The following CPZ variants were observed in gnomAD, a reference collection of about 807,000 sequenced individuals.
CPZ encodes carboxypeptidase Z.
CPZ carries 103 observed loss-of-function variants against 61.8 expected under a neutral mutation model. That is an observed-to-expected ratio of 1.67 (90% CI 1.42 to 1.96). The LOEUF (loss-of-function observed/expected upper bound fraction) is 1.96. Among genes scored for constraint, CPZ ranks in the 30% most tolerant of loss-of-function variants. The pLI is 0.00. For synonymous variants in CPZ, 551 were observed against 373.7 expected, an observed-to-expected ratio of 1.47 and a Z score of -5.47; for missense variants, 1,461 against 914.9, an observed-to-expected ratio of 1.60 and a Z score of -7.70.
chr4:8,593,077 G>A (rs1262250134), intron 1 of CPZ, among the ~76,000 whole-genome samples, 156 bp downstream of exon 1: 2 of 152,176 alleles, frequency 1.3e-5, no homozygotes, highest in African/African-American at 2.4e-5. Context: ...CATGTGGCCT[G>A]GGACTGGTAG....
At chr4:8,612,233 C>A (rs1278230099) in intron 8 of CPZ, 71 bp downstream of exon 8, 2 of 380,042 alleles carry the variant, frequency 5.3e-6, no homozygotes, top group Non-Finnish European at 8.4e-6. Flanking sequence ...AGGGGCAAGG[C>A]GTAACTCCAC....
chr4:8,617,474 A>G (rs762415301), intron 9 of CPZ, among the ~76,000 whole-genome samples: 25 of 152,338 alleles, frequency 1.6e-4, no homozygotes, highest in Non-Finnish European at 3.1e-4. Context: ...CCCTCCATAT[A>G]AAGTATTTAA....
Position 8,619,593 on chromosome 4 carries a change from G to A in CPZ, c.1935G>A (p.Arg645=), listed in dbSNP as rs767759975. 3 of 1,509,696 alleles carry A rather than the reference G, an allele frequency of 2.0e-6. No individual in the cohort carries two copies. In the South Asian group the frequency reaches 4.0e-5, roughly 20 times the overall value. The allele number at this position is 1,509,696 out of a possible 1,614,324, so 93.5% of individuals were successfully genotyped here. A position where few individuals can be genotyped will look rare whatever the true frequency, so the allele number is the denominator to read the frequency against. ...WSYFTSLSTH[R]PRWLLKY is the part of the protein sequence containing the mutation. The stretch of plus-strand genomic sequence containing the variant: ...ACTTCACATCGCTGAGCACCCACAG[G>A]CCACGCTGGCTGCTCAAGTACTAGC... Residue 645 remains arginine (R), a synonymous_variant, in exon 11 of 11, where the codon AGG becomes AGA. Coordinates refer to ENST00000360986, the MANE Select transcript of CPZ (RefSeq NM_001014447.3).
chr4:8,598,584 C>T (rs1714349181), intron 1 of CPZ, among the ~76,000 whole-genome samples: 1 of 152,260 alleles, frequency 6.6e-6, no homozygotes, highest in African/African-American at 2.4e-5. Context: ...GCTGCTCCCA[C>T]TGCCCAGCCT....
In CPZ at chr4:8,607,409, C is replaced by A. The variant is rs1174171647; in HGVS notation, c.1211C>A (p.Pro404His). ...CCCCAGGAGGAGAAGATGTTTTCTC[C>A]CACGCCCGACGAGAAGGTGAGAGGG... ...KHPQEEKMFSPTPDEKMFKLL... is the reference protein window; with the variant it reads ...KHPQEEKMFSHTPDEKMFKLL... The change falls in exon 7 of 11, where the codon CCC becomes CAC. Residue 404 changes from proline (P) to histidine (H), a missense_variant. Pro to His is a moderately conservative substitution (Grantham distance 77). Coordinates refer to ENST00000360986, the MANE Select transcript of CPZ (RefSeq NM_001014447.3). The A allele has an allele frequency of 6.2e-7, 1 of 1,613,962 alleles. No individual in the cohort carries two copies.
In CPZ at chr4:8,605,322, T is replaced by TCATCCATCCATCCATCCATCCATC. The variant is rs6148295; in HGVS notation, c.710-663_710-640dup. ...TTCTTCCTATAGTCCATTCATTTATTCATCCATCCATCCATCCATCCATCC... is the reference window on the plus strand; with the variant it reads ...TTCTTCCTATAGTCCATTCATTTATTCATCCATCCATCCATCCATCCATCCATCCATCCATCCATCCATCCATCC... On this transcript the variant is annotated intron_variant, in intron 4 of 10. Coordinates refer to ENST00000360986, the MANE Select transcript of CPZ (RefSeq NM_001014447.3). Among the ~76,000 whole-genome samples the TCATCCATCCATCCATCCATCCATC allele has an allele frequency of 1.3e-3, 200 of 150,092 alleles. 1 individual carries two copies. Among genetic ancestry groups the TCATCCATCCATCCATCCATCCATC allele is most frequent in the South Asian group, 2.8e-3 (13 of 4,682 alleles).
chr4:8,609,194 A>ACTCC (rs1560298132), intron 7 of CPZ, among the ~76,000 whole-genome samples: 6 of 120,834 alleles, frequency 5.0e-5, no homozygotes. Flanking sequence ...GCATTCACTC[A>ACTCC]CTCCCTCACT....
chr4:8,610,994 T>A (rs1047574995), intron 7 of CPZ, among the ~76,000 whole-genome samples: 6 of 146,926 alleles, frequency 4.1e-5, no homozygotes, highest in South Asian at 4.3e-4. Flanking sequence ...TCACTCACTC[T>A]TTCACTCATT....
chr4:8,619,196 C>G, intron 10 of CPZ, 66 bp from the exon 11 acceptor site: 3 of 1,368,148 alleles, frequency 2.2e-6, no homozygotes, highest in South Asian at 1.4e-5. Context: ...TCATATCCAT[C>G]ACCCATCACC....
chr4:8,613,076 G>T (rs1368300461), intron 8 of CPZ, among the ~76,000 whole-genome samples: 2 of 151,876 alleles, frequency 1.3e-5, no homozygotes, highest in Non-Finnish European at 2.9e-5. Flanking sequence ...ATAGCCCTGT[G>T]ACTGGGGTCT....
At chr4:8,609,136 TTACTCATTCACC>T (rs1715354132) in intron 7 of CPZ, among the ~76,000 whole-genome samples, 7 of 131,586 alleles carry the variant, frequency 5.3e-5, no homozygotes, top group Admixed American at 1.5e-4. Context: ...ATTCACTCAT[TTACTCATTCACC>T]CACTCCCTCA....
chr4:8,608,764 G>C (rs1366977520), intron 7 of CPZ, among the ~76,000 whole-genome samples: 1 of 150,808 alleles, frequency 6.6e-6, no homozygotes, highest in Non-Finnish European at 1.5e-5. Flanking sequence ...CCACAGGTGA[G>C]GTAGAGATTT....
In CPZ at chr4:8,606,858, G is replaced by A. The variant is rs141960829; in HGVS notation, c.1028G>A (p.Ser343Asn). 1.9e-6 allele frequency: 3 copies of A among 1,613,290 alleles called. No homozygotes were observed. Among genetic ancestry groups the A allele is most frequent in the Non-Finnish European group, 1.7e-6 (2 of 1,179,818 alleles). ...YRLAETRGAR[S>N]DHIPIPQHYW... ...CTGGCGGAGACCCGCGGCGCACGCA[G>A]CGACCACATCCCCATCCCCCAGCAC... is the stretch of plus-strand genomic sequence containing the variant. Residue 343 changes from serine (S) to asparagine (N), a missense_variant, in exon 6 of 11, where the codon AGC (serine) becomes AAC (asparagine). Ser to Asn is a conservative substitution (Grantham distance 46). Coordinates refer to ENST00000360986, the MANE Select transcript of CPZ (RefSeq NM_001014447.3).
chr4:8,612,204 T>TG, intron 8 of CPZ, 42 bp downstream of exon 8: 1 of 75,012 alleles, frequency 1.3e-5, no homozygotes, highest in Non-Finnish European at 2.3e-5. Flanking sequence ...GGGTGGGGGG[T>TG]GCAGGGGCTG....
Position 8,606,751 on chromosome 4 carries a change from C to T in CPZ, c.921C>T (p.Asn307=). 1 of 1,614,140 alleles carries T rather than the reference C, an allele frequency of 6.2e-7. No homozygotes were observed. The highest frequency in any genetic ancestry group is 8.5e-7 in the Non-Finnish European group (1 of 1,180,024). ...CATGTTTTCAGGGTGCCGGCTACAA[C>T]GGGTGGACGAGCGGGAGGCAGAACG... ...EVAAAEGAGY[N]GWTSGRQNAQ... is the part of the protein sequence containing the mutation. The change falls in exon 6 of 11, where the codon AAC becomes AAT. Residue 307 remains asparagine, a synonymous_variant. Coordinates refer to ENST00000360986, the MANE Select transcript of CPZ (RefSeq NM_001014447.3).
rs1714972552 is a variant in CPZ at position 8,606,107 on chromosome 4, C to T, written c.828C>T (p.Ile276=). 2 of 1,614,076 alleles carry T rather than the reference C, an allele frequency of 1.2e-6. No homozygotes were observed. Among genetic ancestry groups the T allele is most frequent in the African/African-American group, 1.3e-5 (1 of 74,932 alleles). The change falls in exon 5 of 11, where the codon ATC becomes ATT. Residue 276 remains isoleucine, a synonymous_variant. Coordinates refer to ENST00000360986, the MANE Select transcript of CPZ (RefSeq NM_001014447.3). Reference sequence around the variant, plus strand: ...AGTACCTGCTTGGTAACCCCCGCATCCAGCGCCTGCTCAACACCACCCGCA... The same window carrying T: ...AGTACCTGCTTGGTAACCCCCGCATTCAGCGCCTGCTCAACACCACCCGCA... ...CSEYLLGNPR[I]QRLLNTTRIH... is the part of the protein sequence containing the mutation.
At chr4:8,593,010 T>G in intron 1 of CPZ, 89 bp downstream of exon 1, 1 of 1,040,404 alleles carries the variant, frequency 9.6e-7, no homozygotes, top group Non-Finnish European at 1.4e-6. Context: ...CCCGGGAGCT[T>G]TCTTCCAGTA....
rs978234544 is a variant in CPZ, at chr4:8,619,298, G to C, written c.1640G>C (p.Gly547Ala). 6.2e-7 allele frequency: 1 copy of C among 1,613,646 alleles called. No individual in the cohort carries two copies. Among genetic ancestry groups the C allele is most frequent in the Admixed American group, 1.7e-5 (1 of 59,958 alleles). Residue 547 changes from glycine (G) to alanine (A), a missense_variant, in exon 11 of 11, where the codon GGT becomes GCT. Physicochemically the swap from Gly to Ala is moderately conservative, Grantham distance 60. Coordinates refer to ENST00000360986, the MANE Select transcript of CPZ (RefSeq NM_001014447.3). ...GACTACTGGAGACTGCTGCCCCCAG[G>C]TATCCACATTGTCATTGCCCAAGCC... is the stretch of plus-strand genomic sequence containing the variant. The part of the protein sequence containing the change: ...DGDYWRLLPP[G>A]IHIVIAQAPG...
chr4:8,609,070 CA>C (rs1715320028), intron 7 of CPZ, among the ~76,000 whole-genome samples: 9 of 142,588 alleles, frequency 6.3e-5, no homozygotes, highest in African/African-American at 2.2e-4. Context: ...CTCCCTCACT[CA>C]CCACTCATAC....
Sources: allele counts gnomAD v4.1 joint callset (sites outside exome capture counted in the v4.1 genomes callset), GRCh38; gene constraint gnomAD v4.1.1; transcripts MANE v1.5; gene names NCBI Gene and HGNC (gene_info 2026-07-23, HGNC 2026-07-21).